CSNK1G1: variants seen among roughly 807,000 people sequenced by gnomAD.
CSNK1G1 encodes casein kinase I isoform gamma-1.
CSNK1G1 carries 22 observed loss-of-function variants against 59.6 expected under a neutral mutation model. The ratio of observed to expected loss-of-function variants is 0.37; its 90% confidence interval spans 0.26 to 0.53. The LOEUF is 0.53. Among genes scored for constraint, CSNK1G1 ranks in the 20% least tolerant of loss-of-function variants. The pLI, the probability that CSNK1G1 is intolerant of heterozygous loss-of-function variation, is 0.89. For synonymous variants in CSNK1G1, 179 were observed against 177.1 expected, an observed-to-expected ratio of 1.01 and a Z score of -0.08; for missense variants, 384 against 519.5, an observed-to-expected ratio of 0.74 and a Z score of 2.54.
intron 10 of CSNK1G1, among the ~76,000 whole-genome samples, chr15:64,191,491 A>G (rs1245942445): frequency 1.3e-5 from 2 of 152,204 alleles, no homozygotes; most frequent in Admixed American, 6.5e-5. Flanking sequence ...CTGACTACAC[A>G]TAAGAACTCT....
chr15:64,240,931 T>C (rs1452491112), intron 4 of CSNK1G1, among the ~76,000 whole-genome samples: 1 of 152,152 alleles, frequency 6.6e-6, no homozygotes, highest in Admixed American at 6.5e-5. Context: ...AACCACCAAG[T>C]TGCGATGATT....
intron 10 of CSNK1G1, among the ~76,000 whole-genome samples, 194 bp from the exon 11 acceptor site, chr15:64,180,648 T>C (rs1032108828): frequency 1.3e-5 from 2 of 152,236 alleles, no homozygotes; most frequent in South Asian, 4.1e-4. Context: ...ATAATGATGA[T>C]AATAACTTAC....
At chr15:64,297,193 T>C (rs1257725670) in intron 2 of CSNK1G1, among the ~76,000 whole-genome samples, 6 of 151,934 alleles carry the variant, frequency 3.9e-5, no homozygotes, top group Non-Finnish European at 8.8e-5. Flanking sequence ...CAGATAGTGA[T>C]GAATGCAATG....
intron 1 of CSNK1G1, among the ~76,000 whole-genome samples, chr15:64,339,156 G>T (rs542917371): frequency 3.9e-5 from 6 of 152,178 alleles, no homozygotes; most frequent in Non-Finnish European, 7.4e-5. Context: ...GTAATCTCTA[G>T]TACAGTGATT....
intron 11 of CSNK1G1, among the ~76,000 whole-genome samples, chr15:64,175,253 C>A (rs2081728424): frequency 1.3e-5 from 2 of 152,090 alleles, no homozygotes; most frequent in East Asian, 3.8e-4. Context: ...TGAGGAAGCC[C>A]CTGTAGGCAA....
chr15:64,302,513 G>T (rs533975079), intron 1 of CSNK1G1, among the ~76,000 whole-genome samples: 1 of 152,006 alleles, frequency 6.6e-6, no homozygotes, highest in African/African-American at 2.4e-5. Context: ...AAATCAAAGC[G>T]ATCAAAGGAG....
intron 1 of CSNK1G1, among the ~76,000 whole-genome samples, chr15:64,323,015 TG>T (rs766723360): frequency 6.6e-6 from 1 of 151,850 alleles, no homozygotes; most frequent in African/African-American, 2.4e-5. Flanking sequence ...TTCAACCTCC[TG>T]GGCTCAAGCA....
intron 2 of CSNK1G1, among the ~76,000 whole-genome samples, chr15:64,282,079 G>A (rs935986831): frequency 2.6e-5 from 4 of 151,766 alleles, no homozygotes; most frequent in African/African-American, 9.7e-5. Flanking sequence ...GCACCATCAA[G>A]CCTGGCTAAT....
intron 2 of CSNK1G1, among the ~76,000 whole-genome samples, chr15:64,275,652 C>A (rs997511896): frequency 9.2e-5 from 14 of 152,034 alleles, no homozygotes; most frequent in African/African-American, 3.1e-4. Flanking sequence ...AGACAATGCT[C>A]AAATGTTTTC....
intron 4 of CSNK1G1, among the ~76,000 whole-genome samples, chr15:64,218,064 C>T (rs2082335206): frequency 6.6e-6 from 1 of 152,066 alleles, no homozygotes; most frequent in African/African-American, 2.4e-5. Flanking sequence ...CCCAGCTCAG[C>T]CTCCCAAGTA....
chr15:64,354,727 C>T (rs1162676853), intron 1 of CSNK1G1, among the ~76,000 whole-genome samples: 1 of 151,884 alleles, frequency 6.6e-6, no homozygotes, highest in Non-Finnish European at 1.5e-5. Flanking sequence ...AAGGTGGTTC[C>T]GTTTAAAATG....
intron 10 of CSNK1G1, among the ~76,000 whole-genome samples, chr15:64,197,069 GTTAA>G (rs564728572): frequency 0.014 from 2,103 of 152,266 alleles, 35 homozygotes; most frequent in Non-Finnish European, 0.022. Context: ...GGGTGTTAGG[GTTAA>G]TTAAAGCAGT....
At chr15:64,275,239 C>A (rs1479628035) in intron 2 of CSNK1G1, among the ~76,000 whole-genome samples, 1 of 152,152 alleles carries the variant, frequency 6.6e-6, no homozygotes, top group African/African-American at 2.4e-5. Flanking sequence ...TGGGTTTCAC[C>A]TTGTTGCCAG....
chr15:64,322,960 T>C (rs937405350), intron 1 of CSNK1G1, among the ~76,000 whole-genome samples: 1 of 151,924 alleles, frequency 6.6e-6, no homozygotes, highest in Admixed American at 6.6e-5. Context: ...TTCCTCGCTC[T>C]GTTGCCCAGG....
In CSNK1G1 at chr15:64,292,654, G is replaced by C. The variant is rs116036204; in HGVS notation, c.181+7665C>G. Among the ~76,000 whole-genome samples, 1,279 of 152,326 alleles carry C rather than the reference G, an allele frequency of 8.4e-3. 19 individuals are homozygous for C. Among genetic ancestry groups the C allele is most frequent in the African/African-American group, 0.029 (1,200 of 41,572 alleles). ...AAAGAAATATCACCAGCCAGGTGCA[G>C]TGGCCCATGCCTGTAATCCTAGCAC... On this transcript the variant is annotated intron_variant, in intron 2 of 11. Transcript: ENST00000303052.
At chr15:64,190,360 T>C (rs939786668) in intron 10 of CSNK1G1, among the ~76,000 whole-genome samples, 1 of 152,144 alleles carries the variant, frequency 6.6e-6, no homozygotes, top group African/African-American at 2.4e-5. Context: ...CCAAAAGAGG[T>C]TCAAATGTTT....
chr15:64,300,542 CAG>C lies in CSNK1G1; in HGVS notation c.-45_-44del, dbSNP rs1895271414. ...TCTCCTATAGTACAGCAAGTAGCTT[CAG>C]TATGTATACCTCTCTTCAATACAAA... On this transcript the variant is annotated 5_prime_UTR_variant, in exon 2 of 12. Transcript: ENST00000303052. 1.3e-6 allele frequency: 2 copies of C among 1,589,346 alleles called. No homozygotes were observed. The highest frequency in any genetic ancestry group is 2.7e-5 in the African/African-American group (2 of 74,306).
chr15:64,283,355 C>CT (rs1894245669), intron 2 of CSNK1G1, among the ~76,000 whole-genome samples: 2 of 127,446 alleles, frequency 1.6e-5, no homozygotes, highest in South Asian at 4.9e-4. Flanking sequence ...TTTTTTTTTT[C>CT]TTTTTGAGAC....
intron 1 of CSNK1G1, among the ~76,000 whole-genome samples, chr15:64,302,560 A>AAG (rs1895415015): frequency 6.6e-6 from 1 of 152,224 alleles, no homozygotes; most frequent in Non-Finnish European, 1.5e-5. Context: ...GAACAACATT[A>AAG]AGAATTCATA....
Sources: gnomAD v4.1 joint callset for allele counts (sites outside exome capture counted in the v4.1 genomes callset) on GRCh38, gnomAD v4.1.1 for gene constraint, MANE v1.5 for transcripts, NCBI Gene and HGNC (gene_info 2026-07-23, HGNC 2026-07-21) for gene names.